Variants in CSMD1 observed in about 807,000 individuals in gnomAD.
CSMD1 encodes the protein CUB and Sushi multiple domains 1, also known as CUB and sushi domain-containing protein 1.
In CSMD1, 213 loss-of-function variants were observed where a neutral mutation model predicts 417.5. The observed-to-expected ratio is 0.51, with a 90% CI of 0.46 to 0.57. The LOEUF is 0.57. Among genes scored for constraint, CSMD1 ranks in the 20% least tolerant of loss-of-function variants. CSMD1 has a pLI of 0.00. For synonymous variants in CSMD1, 2,862 were observed against 1,736.8 expected, an observed-to-expected ratio of 1.65 and a Z score of -16.11; for missense variants, 6,923 against 4,529.7, an observed-to-expected ratio of 1.53 and a Z score of -15.17.
intron 1 of CSMD1, among the ~76,000 whole-genome samples, chr8:4,728,868 G>A (rs930484164): frequency 6.6e-6 from 1 of 152,156 alleles, no homozygotes; most frequent in Non-Finnish European, 1.5e-5. Flanking sequence ...TAAAAGAGGG[G>A]AAGGGGAGAA....
chr8:4,453,991 TTTTG>T (rs1226848298), intron 2 of CSMD1, among the ~76,000 whole-genome samples: 2 of 151,530 alleles, frequency 1.3e-5, no homozygotes, highest in East Asian at 3.9e-4. Flanking sequence ...CCGGCTAATT[TTTTG>T]TATTTTTTAG....
chr8:4,822,043 C>T lies in CSMD1; in HGVS notation c.85+172289G>A, dbSNP rs75173542. Among the ~76,000 whole-genome samples the T allele has an allele frequency of 3.1e-3, 465 of 152,254 alleles. 5 individuals are homozygous for T. Among genetic ancestry groups the T allele is most frequent in the African/African-American group, 0.011 (445 of 41,544 alleles). On this transcript the variant is annotated intron_variant, in intron 1 of 69. Coordinates refer to ENST00000635120, the MANE Select transcript of CSMD1 (RefSeq NM_033225.6). ...ACTACTATGGGAATTATTACATTCCCTCTTTCCCTTTTCTATTCTCTTCCT... is the reference window on the plus strand; with the variant it reads ...ACTACTATGGGAATTATTACATTCCTTCTTTCCCTTTTCTATTCTCTTCCT...
chr8:4,021,684 T>C (rs1370984076), intron 4 of CSMD1, among the ~76,000 whole-genome samples: 1 of 152,230 alleles, frequency 6.6e-6, no homozygotes, highest in Admixed American at 6.5e-5. Flanking sequence ...CTGCGAAACT[T>C]GTTCGGAGTG....
chr8:4,147,691 C>T (rs571884588), intron 3 of CSMD1, among the ~76,000 whole-genome samples: 1 of 152,142 alleles, frequency 6.6e-6, no homozygotes, highest in East Asian at 1.9e-4. Context: ...AAATATCTGA[C>T]ATCACCATGG....
At chr8:3,620,407 T>G (rs527642341) in intron 7 of CSMD1, among the ~76,000 whole-genome samples, 222 of 152,226 alleles carry the variant, frequency 1.5e-3, no homozygotes, top group African/African-American at 5.1e-3. Context: ...AAGTTTGACT[T>G]AAAACCCCCA....
chr8:4,141,998 A>G (rs1377373553), intron 3 of CSMD1, among the ~76,000 whole-genome samples: 1 of 151,010 alleles, frequency 6.6e-6, no homozygotes, highest in Non-Finnish European at 1.5e-5. Flanking sequence ...CTCAACTTAT[A>G]TATTCAATGA....
intron 3 of CSMD1, among the ~76,000 whole-genome samples, chr8:4,258,425 A>G (rs112239249): frequency 0.025 from 1 of 40 alleles, no homozygotes; most frequent in African/African-American, 0.12. Context: ...GGAGGATGGA[A>G]GGAGGGAGGG....
In CSMD1 at chr8:2,950,242, G is replaced by C. The variant is rs1312109631; in HGVS notation, c.10303C>G (p.Leu3435Val). 1.2e-6 allele frequency: 2 copies of C among 1,601,830 alleles called. No homozygotes were observed. The highest frequency in any genetic ancestry group is 1.3e-5 in the African/African-American group (1 of 74,708). Residue 3435 changes from leucine to valine, a missense_variant, in exon 67 of 70, where the codon CTA (leucine) becomes GTA (valine). Transcript: ENST00000635120. Reference protein sequence around the residue: ...VSKFENDNWGLDGYVSSGLER... With the variant: ...VSKFENDNWGVDGYVSSGLER... ...ACACATGTACTTACATAACCATCTA[G>C]TCCCCAGTTGTCATTTTCGAACTTG... is the stretch of plus-strand genomic sequence containing the variant.
chr8:3,711,133 G>A (rs1423819090), intron 6 of CSMD1, among the ~76,000 whole-genome samples: 1 of 152,160 alleles, frequency 6.6e-6, no homozygotes, highest in South Asian at 2.1e-4. Context: ...CTTCTCCTGG[G>A]TATTTTAAAA....
At chr8:3,502,921 A>C (rs1499699) in intron 10 of CSMD1, among the ~76,000 whole-genome samples, 98,221 of 151,954 alleles carry the variant, frequency 0.65, 31,991 homozygotes, top group Middle Eastern at 0.76. Flanking sequence ...TGTTCATCAA[A>C]TGTAACAAAC....
At chr8:3,523,726 C>A (rs1188903957) in intron 10 of CSMD1, among the ~76,000 whole-genome samples, 1 of 151,428 alleles carries the variant, frequency 6.6e-6, no homozygotes, top group Non-Finnish European at 1.5e-5. Context: ...CATATGCATG[C>A]ACACTCAGAG....
chr8:4,236,101 C>G (rs1009819747), intron 3 of CSMD1, among the ~76,000 whole-genome samples: 6 of 143,026 alleles, frequency 4.2e-5, no homozygotes, highest in African/African-American at 1.6e-4. Flanking sequence ...TTCCTGTAGG[C>G]CCAGCACAGG....
intron 3 of CSMD1, among the ~76,000 whole-genome samples, chr8:4,244,798 AT>A (rs1490335364): frequency 6.6e-6 from 1 of 152,198 alleles, no homozygotes; most frequent in African/African-American, 2.4e-5. Context: ...ATACGTATGT[AT>A]AAAATATGTG....
intron 33 of CSMD1, among the ~76,000 whole-genome samples, chr8:3,197,169 C>A (rs1346707961): frequency 6.6e-6 from 1 of 152,212 alleles, no homozygotes; most frequent in African/African-American, 2.4e-5. Flanking sequence ...CTTCACATTA[C>A]TAACCAGGAT....
rs1197080034 is a variant in CSMD1, at chr8:2,942,576, G to A, written c.10431C>T (p.Ser3477=). The A allele has an allele frequency of 1.9e-6, 3 of 1,600,658 alleles. No individual in the cohort carries two copies. Among genetic ancestry groups the A allele is most frequent in the South Asian group, 1.1e-5 (1 of 88,938 alleles). ...QDPLNPDQDS[S]SHYHGTSSGS... ...CACTGCTGGTGCCGTGGTAATGACT[G>A]GAAGAGTCTTGATCTGGGTTTAAAG... is the stretch of plus-strand genomic sequence containing the variant. The change falls in exon 69 of 70, where the codon TCC becomes TCT. Residue 3477 remains serine (S), a synonymous_variant. Coordinates refer to ENST00000635120, the MANE Select transcript of CSMD1 (RefSeq NM_033225.6).
chr8:4,874,080 C>G (rs535169199), intron 1 of CSMD1, among the ~76,000 whole-genome samples: 35 of 152,180 alleles, frequency 2.3e-4, no homozygotes, highest in Non-Finnish European at 4.6e-4. Flanking sequence ...TTAACATAGG[C>G]AAGCACCGCA....
At chr8:4,662,637 T>A (rs1270621477) in intron 1 of CSMD1, among the ~76,000 whole-genome samples, 2 of 152,172 alleles carry the variant, frequency 1.3e-5, no homozygotes, top group African/African-American at 4.8e-5. Flanking sequence ...TCTTCAGAAA[T>A]ATAAAACCCC....
chr8:4,988,441 A>C (rs1811291721), intron 1 of CSMD1, among the ~76,000 whole-genome samples: 1 of 152,236 alleles, frequency 6.6e-6, no homozygotes, highest in African/African-American at 2.4e-5. Context: ...AGTTATTTTT[A>C]ACAAAAAAAT....
chr8:3,299,162 T>C (rs901078446), intron 25 of CSMD1, among the ~76,000 whole-genome samples: 6 of 151,932 alleles, frequency 3.9e-5, no homozygotes, highest in African/African-American at 1.2e-4. Context: ...TTAAAAAAAA[T>C]GGAGTGAAGC....
Sources: allele counts gnomAD v4.1 joint callset (sites outside exome capture counted in the v4.1 genomes callset), GRCh38; gene constraint gnomAD v4.1.1; transcripts MANE v1.5; gene names NCBI Gene and HGNC (gene_info 2026-07-23, HGNC 2026-07-21).